PRUNE2: variants seen among roughly 807,000 people sequenced by gnomAD.
The protein encoded by PRUNE2 is protein prune homolog 2.
A neutral mutation model predicts 252.0 loss-of-function variants in PRUNE2; 164 were observed. That is an observed-to-expected ratio of 0.65 (90% CI 0.57 to 0.74). The LOEUF is 0.74. Among genes scored for constraint, PRUNE2 ranks in the 30% least tolerant of loss-of-function variants. The probability of loss-of-function intolerance (pLI) is 0.00; values close to 1 mark genes in which losing one functional copy is unlikely to be tolerated. For synonymous variants in PRUNE2, 1,292 were observed against 1,350.2 expected (o/e 0.96, Z 0.94); for missense variants, 3,495 against 3,711.0 (o/e 0.94, Z 1.51).
Position 76,705,766 on chromosome 9 carries a change from G to A in PRUNE2, c.6508C>T (p.Pro2170Ser), listed in dbSNP as rs2046267039. The A allele has an allele frequency of 6.2e-7, 1 of 1,613,952 alleles. No individual in the cohort carries two copies. The highest frequency in any genetic ancestry group is 8.5e-7 in the Non-Finnish European group (1 of 1,179,896). ...TTTATGTCTGCTTGATAGCCAATTG[G>A]AGGCAGCACAGTTGCGTTTTCAGAA... is the stretch of plus-strand genomic sequence containing the variant. ...LDSENATVLP[P>S]IGYQADIKGS... The change falls in exon 8 of 19, where the codon CCA becomes TCA. Residue 2170 changes from proline to serine, a missense_variant. Transcript: ENST00000376718.
intron 6 of PRUNE2, among the ~76,000 whole-genome samples, chr9:76,775,274 A>G (rs563903704): frequency 3.9e-5 from 6 of 152,168 alleles, no homozygotes; most frequent in African/African-American, 9.6e-5. Flanking sequence ...AAGAGGAACA[A>G]TATTCTCAGA....
chr9:76,629,828 A>G (rs990925181), intron 15 of PRUNE2, among the ~76,000 whole-genome samples: 6 of 152,158 alleles, frequency 3.9e-5, no homozygotes, highest in Non-Finnish European at 7.3e-5. Context: ...TAGATGCCAC[A>G]TATAAGTGAG....
At chr9:76,864,369 G>C (rs1179531640) in intron 1 of PRUNE2, among the ~76,000 whole-genome samples, 4 of 151,980 alleles carry the variant, frequency 2.6e-5, no homozygotes, top group Non-Finnish European at 5.9e-5. Flanking sequence ...TGGGTGACAG[G>C]ACCATCTGTA....
Position 76,687,747 on chromosome 9 carries a change from C to T in PRUNE2, c.8276+15590G>A, listed in dbSNP as rs567050164. ...TTACAAAAAGAATGGATCAGAGACA[C>T]ATTCTGCTCTCAGAGAATTTAAAAT... On this transcript the variant is annotated intron_variant, in intron 9 of 18. Coordinates refer to ENST00000376718, the MANE Select transcript of PRUNE2 (RefSeq NM_015225.3). 4.1e-4 allele frequency: 89 copies of T among 216,088 alleles called. 2 individuals carry two copies. The South Asian group carries it at 4.2e-3, about 10-fold the overall frequency. 13.4% of individuals were successfully genotyped at this position (216,088 alleles called of 1,614,324 possible). A position where few individuals can be genotyped will look rare whatever the true frequency, so the allele number is the denominator to read the frequency against.
At chr9:76,740,987 G>A (rs959514695) in intron 6 of PRUNE2, among the ~76,000 whole-genome samples, 5 of 152,114 alleles carry the variant, frequency 3.3e-5, no homozygotes, top group Non-Finnish European at 7.4e-5. Context: ...CCTAGAGATA[G>A]GGCCACATTA....
intron 6 of PRUNE2, among the ~76,000 whole-genome samples, chr9:76,769,248 T>C (rs2052806532): frequency 6.6e-6 from 1 of 152,218 alleles, no homozygotes; most frequent in African/African-American, 2.4e-5. Flanking sequence ...ATACACACTA[T>C]TCTGCAGCTT....
chr9:76,707,274 T>C lies in PRUNE2; in HGVS notation c.5000A>G (p.His1667Arg). 3.7e-6 allele frequency: 6 copies of C among 1,613,956 alleles called. No individual in the cohort carries two copies. Among genetic ancestry groups the C allele is most frequent in the Non-Finnish European group, 4.2e-6 (5 of 1,179,878 alleles). Residue 1667 changes from histidine (H) to arginine (R), a missense_variant, in exon 8 of 19, where the codon CAT becomes CGT. Transcript: ENST00000376718. ...LIASYQEKNE[H>R]DISATVQPED... is the part of the protein sequence containing the mutation. The stretch of plus-strand genomic sequence containing the variant: ...TGGCTGCACAGTTGCAGAAATGTCA[T>C]GTTCATTTTTCTCCTGGTAGCTAGC...
chr9:76,720,751 A>T (rs2047566663), intron 6 of PRUNE2, among the ~76,000 whole-genome samples: 1 of 152,198 alleles, frequency 6.6e-6, no homozygotes, highest in Admixed American at 6.5e-5. Context: ...TCAAATAATA[A>T]TCACACACAT....
At chr9:76,743,498 A>T (rs1273519342) in intron 6 of PRUNE2, among the ~76,000 whole-genome samples, 1 of 152,222 alleles carries the variant, frequency 6.6e-6, no homozygotes, top group African/African-American at 2.4e-5. Context: ...AGGGACAGTC[A>T]TGTCCCAACC....
chr9:76,794,632 A>G (rs202044331), intron 6 of PRUNE2, among the ~76,000 whole-genome samples: 4 of 122,646 alleles, frequency 3.3e-5, no homozygotes, highest in African/African-American at 1.6e-4. Context: ...AAAAAAAAAG[A>G]AAAGAAAAGA....
intron 6 of PRUNE2, among the ~76,000 whole-genome samples, chr9:76,750,436 T>C (rs896753522): frequency 1.3e-5 from 2 of 152,036 alleles, no homozygotes; most frequent in African/African-American, 4.8e-5. Flanking sequence ...TTGCTTGGTG[T>C]GGGAAAAAAA....
At chr9:76,805,985 A>C (rs143854450) in intron 6 of PRUNE2, among the ~76,000 whole-genome samples, 1 of 152,312 alleles carries the variant, frequency 6.6e-6, no homozygotes. Context: ...CTACCACTGT[A>C]CTGGGAACAT....
intron 4 of PRUNE2, among the ~76,000 whole-genome samples, chr9:76,832,641 C>T (rs940100409): frequency 6.6e-5 from 10 of 151,464 alleles, no homozygotes; most frequent in African/African-American, 2.4e-4. Flanking sequence ...AATACACACA[C>T]ATTAAATTCA....
At chr9:76,686,049 A>C (rs894024126) in intron 9 of PRUNE2, among the ~76,000 whole-genome samples, 2 of 152,222 alleles carry the variant, frequency 1.3e-5, no homozygotes, top group Non-Finnish European at 2.9e-5. Context: ...AGACTTGATT[A>C]ATTTCATACC....
At chr9:76,701,997 G>A (rs1211197079) in intron 9 of PRUNE2, among the ~76,000 whole-genome samples, 1 of 152,054 alleles carries the variant, frequency 6.6e-6, no homozygotes, top group Admixed American at 6.6e-5. Context: ...TTGACTCACT[G>A]TGGGTATGTG....
intron 9 of PRUNE2, among the ~76,000 whole-genome samples, chr9:76,693,651 T>C (rs1385063946): frequency 6.6e-6 from 1 of 151,812 alleles, no homozygotes; most frequent in Non-Finnish European, 1.5e-5. Flanking sequence ...ATCATATTGG[T>C]GAGACTGGTC....
intron 9 of PRUNE2, among the ~76,000 whole-genome samples, chr9:76,673,296 A>G (rs2041882096): frequency 6.7e-6 from 1 of 149,270 alleles, no homozygotes. Flanking sequence ...ATAAACTAGA[A>G]AATCTAGAAG....
Position 76,850,472 on chromosome 9 carries a change from A to G in PRUNE2, c.335T>C (p.Val112Ala), listed in dbSNP as rs111995119. The change falls in exon 3 of 19, where the codon GTG becomes GCG. Residue 112 changes from valine (V) to alanine (A), a missense_variant. By Grantham distance (64) the Val-to-Ala change is moderately conservative. Coordinates refer to ENST00000376718, the MANE Select transcript of PRUNE2 (RefSeq NM_015225.3). ...KLSITLVGSS[V>A]LASEDKTLES... ...TCACAGTGGATCTTACCTCGCCAGC[A>G]CACTGCTGCCAACAAGTGTTATCGA... The G allele has an allele frequency of 2.7e-5, 43 of 1,613,686 alleles. No homozygotes were observed. In the African/African-American group the frequency reaches 4.1e-4, roughly 16 times the overall value.
At position 76,901,534 on chromosome 9, in the gene PRUNE2, C is replaced by A. The variant is rs2063173936; in HGVS notation, c.36+4394G>T. On this transcript the variant is annotated intron_variant, in intron 1 of 18. Coordinates refer to ENST00000376718, the MANE Select transcript of PRUNE2 (RefSeq NM_015225.3). ...CCTTTTTATTGATACGCGGAACTTTCTTCCCATGCAAGAGGAAATCAGGAA... is the reference window on the plus strand; with the variant it reads ...CCTTTTTATTGATACGCGGAACTTTATTCCCATGCAAGAGGAAATCAGGAA... 3.9e-5 allele frequency among the ~76,000 whole-genome samples: 6 copies of A among 152,218 alleles called. No individual in the cohort carries two copies. In the South Asian group the frequency reaches 1.2e-3, roughly 31 times the overall value.
Sources: allele counts gnomAD v4.1 joint callset (sites outside exome capture counted in the v4.1 genomes callset), GRCh38; gene constraint gnomAD v4.1.1; transcripts MANE v1.5; gene names NCBI Gene and HGNC (gene_info 2026-07-23, HGNC 2026-07-21).